The following OTOGL variants were observed in gnomAD, a reference collection of about 807,000 sequenced individuals.
OTOGL encodes the protein otogelin-like protein.
Under a neutral mutation model 318.5 loss-of-function variants are expected in OTOGL, and 285 were observed. That is an observed-to-expected ratio of 0.89 (90% CI 0.81 to 0.99). The LOEUF (loss-of-function observed/expected upper bound fraction) is 0.99. Ranked by LOEUF, OTOGL falls within the 50% of genes least tolerant of loss-of-function variation. The pLI is 0.00. For synonymous variants in OTOGL, 987 were observed against 936.5 expected (o/e 1.05, Z -0.99); for missense variants, 2,899 against 2,845.6 (o/e 1.02, Z -0.43).
intron 1 of OTOGL, among the ~76,000 whole-genome samples, chr12:80,119,101 G>C (rs1360375865): frequency 6.6e-6 from 1 of 152,174 alleles, no homozygotes; most frequent in Non-Finnish European, 1.5e-5. Flanking sequence ...GGGAAGAAGA[G>C]AGGAAACAGC....
At chr12:80,182,193 G>A (rs1191399945) in intron 1 of OTOGL, among the ~76,000 whole-genome samples, 1 of 152,102 alleles carries the variant, frequency 6.6e-6, no homozygotes, top group Non-Finnish European at 1.5e-5. Context: ...TTAAAGAGAC[G>A]TATACTTTAA....
At chr12:80,113,754 T>C (rs1448227414) in intron 1 of OTOGL, among the ~76,000 whole-genome samples, 2 of 152,190 alleles carry the variant, frequency 1.3e-5, no homozygotes. Flanking sequence ...GGAGTCTAAG[T>C]CTCTTTGTAG....
chr12:80,103,948 G>C (rs1349785754), intron 1 of OTOGL, among the ~76,000 whole-genome samples: 1 of 150,030 alleles, frequency 6.7e-6, no homozygotes, highest in Non-Finnish European at 1.5e-5. Context: ...TTGTGGCCAG[G>C]GGTCAAAATA....
intron 1 of OTOGL, among the ~76,000 whole-genome samples, chr12:80,113,619 G>T (rs1245372538): frequency 6.9e-6 from 1 of 145,788 alleles, no homozygotes; most frequent in Non-Finnish European, 1.5e-5. Flanking sequence ...CTGAGAGACT[G>T]TTATGATTTC....
intron 1 of OTOGL, among the ~76,000 whole-genome samples, chr12:80,148,759 A>G (rs1268743180): frequency 1.3e-5 from 2 of 151,968 alleles, no homozygotes; most frequent in Non-Finnish European, 2.9e-5. Context: ...ATTTGTTTTT[A>G]TTCTGTTTTC....
At chr12:80,206,290 A>C (rs1296906938) in intron 1 of OTOGL, among the ~76,000 whole-genome samples, 6 of 152,130 alleles carry the variant, frequency 3.9e-5, no homozygotes, top group Admixed American at 3.3e-4. Context: ...GCTTATTTTC[A>C]TGCAGGCTAC....
Position 80,242,328 on chromosome 12 carries a change from C to T in OTOGL, c.1052+2889C>T, listed in dbSNP as rs574826678. Among the ~76,000 whole-genome samples, 48 of 152,206 alleles carry T rather than the reference C, an allele frequency of 3.2e-4. No individual in the cohort carries two copies. The South Asian group carries it at 4.1e-3, about 13-fold the overall frequency. ...TTGTGCTGGCTGAAATCAGCTGACACCTTAAGAGATACCTTTGTGGTAGAG... is the reference window on the plus strand; with the variant it reads ...TTGTGCTGGCTGAAATCAGCTGACATCTTAAGAGATACCTTTGTGGTAGAG... On this transcript the variant is annotated intron_variant, in intron 11 of 58. Coordinates refer to ENST00000547103, the MANE Select transcript of OTOGL (RefSeq NM_001378609.3).
intron 18 of OTOGL, among the ~76,000 whole-genome samples, chr12:80,260,381 T>C (rs1010072053): frequency 1.3e-5 from 2 of 152,126 alleles, no homozygotes; most frequent in African/African-American, 4.8e-5. Context: ...TCCTGTTTTC[T>C]CTTCTTTGTT....
intron 23 of OTOGL, 149 bp downstream of exon 23, chr12:80,270,303 A>G (rs751175164): frequency 8.9e-6 from 6 of 673,342 alleles, no homozygotes; most frequent in Non-Finnish European, 1.5e-5. Context: ...AGTGCTTCTT[A>G]ACTTTTTCCA....
chr12:80,113,131 T>C (rs4293183), intron 1 of OTOGL, among the ~76,000 whole-genome samples: 87,402 of 151,830 alleles, frequency 0.58, 25,367 homozygotes, highest in African/African-American at 0.63. Context: ...TGTGTCTATT[T>C]GATTCTTCTT....
intron 1 of OTOGL, among the ~76,000 whole-genome samples, chr12:80,118,963 T>C (rs1565866769): frequency 6.6e-6 from 1 of 152,150 alleles, no homozygotes; most frequent in African/African-American, 2.4e-5. Context: ...AATAGGATTT[T>C]ATTTATCGAG....
chr12:80,297,401 G>C (rs1304102787), intron 27 of OTOGL, among the ~76,000 whole-genome samples: 1 of 149,708 alleles, frequency 6.7e-6, no homozygotes, highest in East Asian at 2.0e-4. Context: ...GCACGATCTC[G>C]GCTCACCTCA....
At chr12:80,353,657 A>ATATGATTTCAAGAGAAGTTAATT (rs1312859415) in intron 46 of OTOGL, 147 bp downstream of exon 46, 1 of 681,190 alleles carries the variant, frequency 1.5e-6, no homozygotes, top group East Asian at 3.1e-5. Context: ...TTTGATTTTA[A>ATATGATTTCAAGAGAAGTTAATT]TATGATTTCA....
chr12:80,359,600 A>C (rs533870097), intron 52 of OTOGL, among the ~76,000 whole-genome samples: 1 of 152,340 alleles, frequency 6.6e-6, no homozygotes, highest in South Asian at 2.1e-4. Context: ...GTTCAAAGCT[A>C]TATTATGAAG....
rs761665276 is a variant in OTOGL at position 80,222,161 on chromosome 12, T to C, written c.405T>C (p.Asp135=). 1 of 1,597,538 alleles carries C rather than the reference T, an allele frequency of 6.3e-7. No individual in the cohort carries two copies. The highest frequency in any genetic ancestry group is 8.5e-7 in the Non-Finnish European group (1 of 1,178,176). The change falls in exon 7 of 59, where the codon GAT becomes GAC. Residue 135 remains aspartate (D), a synonymous_variant. Transcript: ENST00000547103. ...TWGQYHFETF[D]GIYYYFPGNC... is the part of the protein sequence containing the mutation. ...GACAGTATCATTTTGAAACATTCGATGGCATCTACTATTACTTCCCAGGAA... is the reference window on the plus strand; with the variant it reads ...GACAGTATCATTTTGAAACATTCGACGGCATCTACTATTACTTCCCAGGAA...
At position 80,159,859 on chromosome 12, in the gene OTOGL, G is replaced by GTGA. The variant is rs779470020; in HGVS notation, c.-19-49554_-19-49553insTGA. 3.4e-4 allele frequency among the ~76,000 whole-genome samples: 52 copies of GTGA among 152,072 alleles called. No individual in the cohort carries two copies. The Middle Eastern group carries it at 0.01, about 30-fold the overall frequency. The stretch of plus-strand genomic sequence containing the variant: ...ACCTGACTTCAAACTATACTATAAG[G>GTGA]CCATAGTCACCAAAACAGCGTGGTA... On this transcript the variant is annotated intron_variant, in intron 1 of 58. Transcript: ENST00000547103.
At chr12:80,124,398 T>C (rs1870680370) in intron 1 of OTOGL, among the ~76,000 whole-genome samples, 1 of 152,184 alleles carries the variant, frequency 6.6e-6, no homozygotes, top group Non-Finnish European at 1.5e-5. Context: ...TTGGTCTATA[T>C]CTCTGTTTTG....
At chr12:80,327,730 C>T (rs566742617) in intron 35 of OTOGL, among the ~76,000 whole-genome samples, 47 of 151,282 alleles carry the variant, frequency 3.1e-4, no homozygotes, top group Middle Eastern at 3.4e-3. Context: ...GAAGCTGAGA[C>T]GGGTGGATCA....
chr12:80,181,707 CT>C (rs1168236371), intron 1 of OTOGL, among the ~76,000 whole-genome samples: 1 of 151,954 alleles, frequency 6.6e-6, no homozygotes, highest in African/African-American at 2.4e-5. Context: ...AGCCTATCTG[CT>C]TTAGGGGTAT....
Sources: gnomAD v4.1 joint callset for allele counts (sites outside exome capture counted in the v4.1 genomes callset) on GRCh38, gnomAD v4.1.1 for gene constraint, MANE v1.5 for transcripts, NCBI Gene and HGNC (gene_info 2026-07-23, HGNC 2026-07-21) for gene names.